The following COMMD10 variants were observed in gnomAD, a reference collection of about 807,000 sequenced individuals.
The protein encoded by COMMD10 is COMM domain-containing protein 10.
COMMD10 carries 33 observed loss-of-function variants against 28.9 expected under a neutral mutation model. That is an observed-to-expected ratio of 1.14 (90% CI 0.87 to 1.53). The LOEUF (loss-of-function observed/expected upper bound fraction) is 1.53. COMMD10 is among the 40% of genes most tolerant of loss of function. The pLI, the probability that COMMD10 is intolerant of heterozygous loss-of-function variation, is 0.00. For missense variants in COMMD10, 310 were observed against 233.4 expected (o/e 1.33, Z -2.14); for synonymous variants, 110 against 81.7 (o/e 1.35, Z -1.87).
intron 5 of COMMD10, among the ~76,000 whole-genome samples, chr5:116,280,584 C>G (rs1354377108): frequency 1.3e-5 from 2 of 151,756 alleles, no homozygotes; most frequent in African/African-American, 2.4e-5. Context: ...ATCATGAGCA[C>G]TTTTCTCGGG....
At chr5:116,114,518 C>T (rs1751165190) in intron 4 of COMMD10, among the ~76,000 whole-genome samples, 1 of 152,028 alleles carries the variant, frequency 6.6e-6, no homozygotes, top group African/African-American at 2.4e-5. Context: ...GGGAGAAGTG[C>T]TTGGGTGTCT....
intron 5 of COMMD10, among the ~76,000 whole-genome samples, chr5:116,232,671 C>A (rs916858431): frequency 6.6e-6 from 1 of 150,754 alleles, no homozygotes; most frequent in East Asian, 1.9e-4. Context: ...CCACTGCACT[C>A]CAGCCTGGGC....
intron 5 of COMMD10, among the ~76,000 whole-genome samples, chr5:116,223,017 G>T (rs555842863): frequency 1.3e-5 from 2 of 152,076 alleles, no homozygotes; most frequent in African/African-American, 2.4e-5. Context: ...GGTTATTTTA[G>T]TTGATATCTT....
chr5:116,124,242 G>A (rs2112756611), intron 4 of COMMD10, among the ~76,000 whole-genome samples: 1 of 152,216 alleles, frequency 6.6e-6, no homozygotes, highest in Middle Eastern at 3.4e-3. Flanking sequence ...TGCTATAATT[G>A]TGTCCCAGAG....
intron 5 of COMMD10, among the ~76,000 whole-genome samples, chr5:116,206,540 T>C (rs1748817876): frequency 6.6e-6 from 1 of 151,946 alleles, no homozygotes; most frequent in Non-Finnish European, 1.5e-5. Context: ...TAATCCCAGC[T>C]ACTTGGGAGG....
intron 5 of COMMD10, among the ~76,000 whole-genome samples, chr5:116,234,752 A>G (rs1749616669): frequency 6.6e-6 from 1 of 152,220 alleles, no homozygotes; most frequent in South Asian, 2.1e-4. Context: ...CCAATTGGAT[A>G]ATTTCACTTA....
chr5:116,249,724 A>AAAG (rs79819437), intron 5 of COMMD10, among the ~76,000 whole-genome samples: 7,965 of 151,984 alleles, frequency 0.052, 284 homozygotes, highest in East Asian at 0.14. Context: ...AGCCAATTAA[A>AAAG]ATCTTAAAAA....
rs556071807 is a variant in COMMD10 at position 116,139,708 on chromosome 5, A to G, written c.510+5530A>G. 4.2e-4 allele frequency among the ~76,000 whole-genome samples: 64 copies of G among 151,834 alleles called. 3 individuals are homozygous for G. In the South Asian group the frequency reaches 0.012, roughly 30 times the overall value. On this transcript the variant is annotated intron_variant, in intron 5 of 6. Coordinates refer to ENST00000274458, the MANE Select transcript of COMMD10 (RefSeq NM_016144.4). ...AATGAGATAATTCAACTGATAGGAC[A>G]TAATTCAAATATAAATAAAATCATT...
intron 5 of COMMD10, among the ~76,000 whole-genome samples, chr5:116,249,821 G>A (rs768360783): frequency 1.3e-5 from 2 of 151,804 alleles, no homozygotes; most frequent in Non-Finnish European, 2.9e-5. Context: ...GGAATTCTTG[G>A]CAAGAGATTA....
intron 5 of COMMD10, among the ~76,000 whole-genome samples, chr5:116,225,398 A>G (rs1252119827): frequency 6.8e-6 from 1 of 147,706 alleles, no homozygotes; most frequent in African/African-American, 2.5e-5. Context: ...CTGGTTGAAA[A>G]CTAGACATTG....
intron 5 of COMMD10, among the ~76,000 whole-genome samples, chr5:116,182,402 A>T (rs1232985460): frequency 6.6e-6 from 1 of 151,962 alleles, no homozygotes; most frequent in Non-Finnish European, 1.5e-5. Context: ...GAAATGGGGA[A>T]GAGGTGTGGG....
At chr5:116,198,162 T>TAG (rs921808744) in intron 5 of COMMD10, among the ~76,000 whole-genome samples, 1 of 152,206 alleles carries the variant, frequency 6.6e-6, no homozygotes, top group Non-Finnish European at 1.5e-5. Context: ...TAATATTAGT[T>TAG]ACAGCTGAAG....
At chr5:116,105,422 T>C (rs1750805672) in intron 4 of COMMD10, among the ~76,000 whole-genome samples, 1 of 152,232 alleles carries the variant, frequency 6.6e-6, no homozygotes, top group South Asian at 2.1e-4. Context: ...AAATTTTCTT[T>C]TTTTGTTGTG....
At chr5:116,228,817 C>A (rs368002138) in intron 5 of COMMD10, among the ~76,000 whole-genome samples, 1 of 151,962 alleles carries the variant, frequency 6.6e-6, no homozygotes, top group Admixed American at 6.6e-5. Context: ...CAAACTTTAA[C>A]TGTTTCTTAA....
intron 5 of COMMD10, among the ~76,000 whole-genome samples, chr5:116,142,669 C>T (rs1349136149): frequency 6.6e-6 from 1 of 151,544 alleles, no homozygotes; most frequent in African/African-American, 2.4e-5. Flanking sequence ...TTTAGGAGGC[C>T]AGTAAAAAGC....
intron 5 of COMMD10, among the ~76,000 whole-genome samples, chr5:116,226,084 C>T (rs1351105855): frequency 6.6e-6 from 1 of 152,060 alleles, no homozygotes; most frequent in Non-Finnish European, 1.5e-5. Context: ...CAGTGCCTTG[C>T]AGCCAGTATG....
At chr5:116,209,237 C>T (rs975794799) in intron 5 of COMMD10, among the ~76,000 whole-genome samples, 2 of 151,868 alleles carry the variant, frequency 1.3e-5, no homozygotes, top group East Asian at 1.9e-4. Context: ...TTCCCCTGAC[C>T]TTTATAAAAA....
chr5:116,202,768 T>C (rs1004719769), intron 5 of COMMD10, among the ~76,000 whole-genome samples: 10 of 151,420 alleles, frequency 6.6e-5, no homozygotes, highest in African/African-American at 2.4e-4. Flanking sequence ...TTGAGTTCAT[T>C]GTAGATTCTG....
At chr5:116,165,418 G>C (rs996255805) in intron 5 of COMMD10, among the ~76,000 whole-genome samples, 2 of 152,044 alleles carry the variant, frequency 1.3e-5, no homozygotes, top group African/African-American at 4.8e-5. Flanking sequence ...AGTCTGCTAG[G>C]GCTGCCAAAA....
Sources: allele counts gnomAD v4.1 joint callset (sites outside exome capture counted in the v4.1 genomes callset), GRCh38; gene constraint gnomAD v4.1.1; transcripts MANE v1.5; gene names NCBI Gene and HGNC (gene_info 2026-07-23, HGNC 2026-07-21).